The following DHX37 variants were observed in gnomAD, a reference collection of about 807,000 sequenced individuals.
The protein encoded by DHX37 is probable ATP-dependent RNA helicase DHX37.
DHX37 carries 52 observed loss-of-function variants against 134.3 expected under a neutral mutation model. The ratio of observed to expected loss-of-function variants is 0.39; its 90% CI spans 0.31 to 0.49. The LOEUF (loss-of-function observed/expected upper bound fraction) is 0.49. DHX37 is among the 20% of genes least tolerant of loss of function. The pLI is 0.93. For synonymous variants in DHX37, 634 were observed against 670.7 expected, an observed-to-expected ratio of 0.95 and a Z score of 0.85; for missense variants, 1,344 against 1,580.8, an observed-to-expected ratio of 0.85 and a Z score of 2.54.
intron 2 of DHX37, among the ~76,000 whole-genome samples, chr12:124,983,967 C>T (rs1954809892): frequency 6.6e-6 from 1 of 152,150 alleles, no homozygotes; most frequent in Non-Finnish European, 1.5e-5. Flanking sequence ...GGCTCCAGGT[C>T]AGGGTTCCTC....
chr12:124,971,255 G>A (rs765840877), intron 8 of DHX37, 47 bp downstream of exon 8: 2 of 1,589,366 alleles, frequency 1.3e-6, no homozygotes, highest in South Asian at 1.1e-5. Context: ...ACAGAGCTGG[G>A]GGGGGCCTAG....
chr12:124,981,510 C>T (rs1954759854), intron 3 of DHX37, among the ~76,000 whole-genome samples: 1 of 152,132 alleles, frequency 6.6e-6, no homozygotes, highest in African/African-American at 2.4e-5. Context: ...TCACGGCTCA[C>T]TGTAGCTTCA....
intron 4 of DHX37, 64 bp from the exon 5 acceptor site, chr12:124,977,554 G>C (rs762989663): frequency 5.4e-5 from 81 of 1,492,782 alleles, no homozygotes; most frequent in Non-Finnish European, 6.4e-5. Context: ...GGGACCTCCA[G>C]GAAGGTGGCA....
intron 1 of DHX37, among the ~76,000 whole-genome samples, chr12:124,987,522 C>T (rs1018445123): frequency 2.0e-5 from 3 of 152,320 alleles, no homozygotes; most frequent in African/African-American, 7.2e-5. Flanking sequence ...TTCCAAGTGT[C>T]AGCCCAGTGT....
intron 15 of DHX37, among the ~76,000 whole-genome samples, chr12:124,960,885 G>A (rs1954224000): frequency 6.6e-6 from 1 of 152,238 alleles, no homozygotes; most frequent in African/African-American, 2.4e-5. Context: ...AACCCAGGAG[G>A]CAAAGGTTGG....
At chr12:124,988,832 G>T in intron 1 of DHX37, 85 bp downstream of exon 1, 1 of 825,160 alleles carries the variant, frequency 1.2e-6, no homozygotes, top group Non-Finnish European at 1.7e-6. Context: ...ACCCCTCTGG[G>T]ATCCCCACCC....
At chr12:124,953,746 T>C in intron 20 of DHX37, 134 bp downstream of exon 20, 1 of 1,377,996 alleles carries the variant, frequency 7.3e-7, no homozygotes. Context: ...CAAGTATTGA[T>C]TTAGGGTTAT....
rs769702594 is a variant in DHX37, at chr12:124,989,107, A to G, written c.-85T>C. 20 of 875,818 alleles carry G rather than the reference A, an allele frequency of 2.3e-5. No individual in the cohort carries two copies. Among genetic ancestry groups the G allele is most frequent in the African/African-American group, 3.5e-5 (2 of 57,070 alleles). The allele number at this position is 875,818 out of a possible 1,614,324, so 54.3% of individuals were successfully genotyped here. On this transcript the variant is annotated 5_prime_UTR_variant, in exon 1 of 27. Transcript: ENST00000308736. ...GCCCACGTGGGTTCCCAGACCACCA[A>G]CTCCGGCCGTGAGACTTCCGGGTTG...
At chr12:124,971,941 G>A (rs1170656538) in intron 7 of DHX37, among the ~76,000 whole-genome samples, 2 of 152,242 alleles carry the variant, frequency 1.3e-5, no homozygotes, top group Admixed American at 6.5e-5. Context: ...CTGGGGTTCC[G>A]ATTTACAAAT....
intron 6 of DHX37, among the ~76,000 whole-genome samples, 182 bp downstream of exon 6, chr12:124,975,237 C>A (rs761742417): frequency 8.5e-5 from 13 of 152,178 alleles, no homozygotes; most frequent in Non-Finnish European, 1.6e-4. Flanking sequence ...TGCTTGGAGG[C>A]CCCCTGCTTG....
chr12:124,969,056 C>T, intron 8 of DHX37, 88 bp from the exon 9 acceptor site: 1 of 1,306,102 alleles, frequency 7.7e-7, no homozygotes, highest in Non-Finnish European at 1.1e-6. Flanking sequence ...GCCCTGCTGC[C>T]CACCCCGTTT....
At chr12:124,962,155 C>T (rs2135942107) in intron 15 of DHX37, among the ~76,000 whole-genome samples, 1 of 152,242 alleles carries the variant, frequency 6.6e-6, no homozygotes, top group Non-Finnish European at 1.5e-5. Flanking sequence ...CTGCAGTGAG[C>T]TATACTTGGG....
At chr12:124,955,780 TA>T (rs1305575071) in intron 18 of DHX37, among the ~76,000 whole-genome samples, 1 of 152,242 alleles carries the variant, frequency 6.6e-6, no homozygotes, top group African/African-American at 2.4e-5. Context: ...TTTAAACTAT[TA>T]AAAATAAGTA....
At position 124,961,199 on chromosome 12, in the gene DHX37, C is replaced by CAT. The variant is rs1376339708; in HGVS notation, c.2046-778_2046-777dup. Among the ~76,000 whole-genome samples, 8 of 117,208 alleles carry CAT rather than the reference C, an allele frequency of 6.8e-5. No homozygotes were observed. In the South Asian group the frequency reaches 2.2e-3, roughly 33 times the overall value. The allele number at this position is 117,208 out of a possible 152,430, so 76.9% of individuals were successfully genotyped here. On this transcript the variant is annotated intron_variant, in intron 15 of 26. Transcript: ENST00000308736. ...GCGCATGCGCGCACGCACACACACA[C>CAT]ATACACGTGTGCACGCACGCACACG...
At chr12:124,981,114 C>T (rs148868697) in intron 3 of DHX37, among the ~76,000 whole-genome samples, 72 of 152,288 alleles carry the variant, frequency 4.7e-4, no homozygotes, top group African/African-American at 1.4e-3. Context: ...TGCTTCCCAG[C>T]GTGGGACACA....
In DHX37 at chr12:124,966,773, C is replaced by G; in HGVS notation, c.1590+20G>C. On this transcript the variant is annotated intron_variant, in intron 12 of 26. Coordinates refer to ENST00000308736, the MANE Select transcript of DHX37 (RefSeq NM_032656.4). ...AACGCAGCCTTACTCTCCAGGAGTC[C>G]CTGCCAGCCCCCCACGTACCTCAGC... 1 of 1,613,766 alleles carries G rather than the reference C, an allele frequency of 6.2e-7. No individual in the cohort carries two copies. Among genetic ancestry groups the G allele is most frequent in the Non-Finnish European group, 8.5e-7 (1 of 1,179,614 alleles).
At chr12:124,959,501 G>A (rs1418155887) in intron 16 of DHX37, among the ~76,000 whole-genome samples, 1 of 152,114 alleles carries the variant, frequency 6.6e-6, no homozygotes, top group Non-Finnish European at 1.5e-5. Context: ...AGGATTACAG[G>A]TGTGAGCCAC....
intron 1 of DHX37, 79 bp from the exon 2 acceptor site, chr12:124,986,344 A>C: frequency 6.6e-7 from 1 of 1,507,322 alleles, no homozygotes; most frequent in East Asian, 2.3e-5. Context: ...CCTGACTTGC[A>C]TGGGGGCCTC....
intron 2 of DHX37, 51 bp from the exon 3 acceptor site, chr12:124,982,674 A>C: frequency 6.3e-7 from 1 of 1,593,010 alleles, no homozygotes; most frequent in Non-Finnish European, 8.6e-7. Flanking sequence ...ACCCTCTCTT[A>C]AGAAGGGAAG....
Sources: gnomAD v4.1 joint callset for allele counts (sites outside exome capture counted in the v4.1 genomes callset) on GRCh38, gnomAD v4.1.1 for gene constraint, MANE v1.5 for transcripts, NCBI Gene and HGNC (gene_info 2026-07-23, HGNC 2026-07-21) for gene names.